SLC9A5: variants seen among roughly 807,000 people sequenced by gnomAD.
SLC9A5 encodes solute carrier family 9 member A5, also known as sodium/hydrogen exchanger 5.
SLC9A5 carries 52 observed loss-of-function variants against 91.7 expected under a neutral mutation model. The ratio of observed to expected loss-of-function variants is 0.57; its 90% CI spans 0.45 to 0.71. The LOEUF is 0.71. Ranked by LOEUF, SLC9A5 falls within the 30% of genes least tolerant of loss-of-function variation. The pLI is 0.00. For missense variants in SLC9A5, 871 were observed against 1,158.9 expected (o/e 0.75, Z 3.61); for synonymous variants, 419 against 474.5 (o/e 0.88, Z 1.52).
intron 1 of SLC9A5, among the ~76,000 whole-genome samples, chr16:67,251,581 T>G (rs2035124954): frequency 6.6e-6 from 1 of 151,770 alleles, no homozygotes; most frequent in Non-Finnish European, 1.5e-5. Context: ...GCCCAGCTAA[T>G]TTTTGTATTT....
chr16:67,255,480 T>C lies in SLC9A5; in HGVS notation c.733+9T>C, dbSNP rs2035278816. On this transcript the variant is annotated intron_variant, in intron 4 of 15. Coordinates refer to ENST00000299798, the MANE Select transcript of SLC9A5 (RefSeq NM_004594.3). This position sits in a 1 kb window ranked among gnomAD's most constrained non-coding sequence, Gnocchi z 4.9. Reference sequence around the variant, plus strand: ...CTACCTGAAGGGAGTCGGTCAGTATTTCCCCGCTCCCAGCTGGCATTGGAG... The same window carrying C: ...CTACCTGAAGGGAGTCGGTCAGTATCTCCCCGCTCCCAGCTGGCATTGGAG... The C allele has an allele frequency of 6.2e-7, 1 of 1,613,728 alleles. No homozygotes were observed. The highest frequency in any genetic ancestry group is 2.2e-5 in the East Asian group (1 of 44,892).
At position 67,257,611 on chromosome 16, in the gene SLC9A5, C is replaced by A; in HGVS notation, c.1496+10C>A. ...ACTACTGGAGGGACAGGTGAGGGAG[C>A]TGCCCCGAGGCTCCTTCAGCAGCAG... On this transcript the variant is annotated intron_variant, in intron 9 of 15. Coordinates refer to ENST00000299798, the MANE Select transcript of SLC9A5 (RefSeq NM_004594.3). The surrounding 1 kb of genome is among the most constrained non-coding windows in gnomAD (Gnocchi z 5.1). 6.2e-7 allele frequency: 1 copy of A among 1,613,848 alleles called. No homozygotes were observed. Among genetic ancestry groups the A allele is most frequent in the African/African-American group, 1.3e-5 (1 of 75,006 alleles).
At chr16:67,266,562 C>T (rs2142383147) in intron 15 of SLC9A5, among the ~76,000 whole-genome samples, 1 of 152,242 alleles carries the variant, frequency 6.6e-6, no homozygotes, top group South Asian at 2.1e-4. Context: ...TTATTTGAGA[C>T]AGAGTTTTGC....
chr16:67,254,942 C>A, intron 2 of SLC9A5, 79 bp from the exon 3 acceptor site: 1 of 1,443,954 alleles, frequency 6.9e-7, no homozygotes, highest in Non-Finnish European at 9.5e-7. Flanking sequence ...GGGGTGGGGC[C>A]TGGGCTTGTT....
chr16:67,249,163 T>C lies in SLC9A5; in HGVS notation c.149T>C (p.Val50Ala). 6.4e-7 allele frequency: 1 copy of C among 1,565,336 alleles called. No individual in the cohort carries two copies. The highest frequency in any genetic ancestry group is 1.8e-5 in the Admixed American group (1 of 55,198). Reference protein sequence around the residue: ...QWHEVEAPYLVALWILVASLA... With the variant: ...QWHEVEAPYLAALWILVASLA... ...CACGAGGTGGAGGCGCCCTACCTGGTGGCCCTGTGGATCCTGGTGGCCAGT... is the reference window on the plus strand; with the variant it reads ...CACGAGGTGGAGGCGCCCTACCTGGCGGCCCTGTGGATCCTGGTGGCCAGT... Residue 50 changes from valine (V) to alanine (A), a missense_variant, in exon 1 of 16, where the codon GTG becomes GCG. Physicochemically the swap from Val to Ala is moderately conservative, Grantham distance 64. Transcript: ENST00000299798.
At chr16:67,250,602 A>C (rs1882828501) in intron 1 of SLC9A5, among the ~76,000 whole-genome samples, 1 of 152,260 alleles carries the variant, frequency 6.6e-6, no homozygotes, top group Non-Finnish European at 1.5e-5. Flanking sequence ...GTAAGAGAAG[A>C]GAGCCTCCTT....
chr16:67,258,666 C>T lies in SLC9A5; in HGVS notation c.1626+219C>T, dbSNP rs376392198. Among the ~76,000 whole-genome samples, 4 of 152,312 alleles carry T rather than the reference C, an allele frequency of 2.6e-5. No homozygotes were observed. Among genetic ancestry groups the T allele is most frequent in the East Asian group, 3.9e-4 (2 of 5,184 alleles). On this transcript the variant is annotated intron_variant, in intron 10 of 15. Transcript: ENST00000299798. This position sits in a 1 kb window ranked among gnomAD's most constrained non-coding sequence, Gnocchi z 4.5. ...CAGAGAGGTGGGAAACAGCTGGACT[C>T]TGGGGTCAGCTCAACCATTATCACT... is the stretch of plus-strand genomic sequence containing the variant.
In SLC9A5 at chr16:67,257,120, G is replaced by A. The variant is rs1488787208; in HGVS notation, c.1335+7G>A. ...CTTCACAGTCATCGTGCAGGTGGGA[G>A]TGCCCACAAGGCTGGGTAGGGAGAG... On this transcript the variant is annotated splice_region_variant and intron_variant, in intron 7 of 15. Transcript: ENST00000299798. This position sits in a 1 kb window ranked among gnomAD's most constrained non-coding sequence, Gnocchi z 5.1. 1 of 1,605,546 alleles carries A rather than the reference G, an allele frequency of 6.2e-7. No homozygotes were observed. The highest frequency in any genetic ancestry group is 1.1e-5 in the South Asian group (1 of 90,880).
rs750563312 is a variant in SLC9A5, at chr16:67,271,067, C to T, written c.2548C>T (p.Arg850Cys). ...CCCACCGAGCCTGGCCAAGGCTGGC[C>T]GCTCTCGCAGTGAGAGCAGCGCTGA... Reference protein sequence around the residue: ...AFPPSLAKAGRSRSESSADLP... With the variant: ...AFPPSLAKAGCSRSESSADLP... Residue 850 changes from arginine (R) to cysteine (C), a missense_variant, in exon 16 of 16, where the codon CGC (arginine) becomes TGC (cysteine). This residue lies in a region of SLC9A5 where 295 missense variants were observed against 326.0 expected (regional missense o/e 0.90). Transcript: ENST00000299798. 1.4e-5 allele frequency: 22 copies of T among 1,611,916 alleles called. No individual in the cohort carries two copies. Among genetic ancestry groups the T allele is most frequent in the South Asian group, 2.2e-5 (2 of 90,974 alleles).
At chr16:67,249,624 G>C (rs1218202073) in intron 1 of SLC9A5, among the ~76,000 whole-genome samples, 1 of 152,156 alleles carries the variant, frequency 6.6e-6, no homozygotes, top group African/African-American at 2.4e-5. Context: ...TCCTGGTTCT[G>C]AAAAAGCAGC....
chr16:67,262,563 ATC>A, intron 12 of SLC9A5: 1 of 282,508 alleles, frequency 3.5e-6, no homozygotes, highest in South Asian at 3.5e-5. Flanking sequence ...GGGACTAAGA[ATC>A]TGTGTTCTTA....
rs1296842356 is a variant in SLC9A5 at position 67,252,567 on chromosome 16, A to T, written c.213A>T (p.Thr71=). The change falls in exon 2 of 16, where the codon ACA becomes ACT. Residue 71 remains threonine, a synonymous_variant. Coordinates refer to ENST00000299798, the MANE Select transcript of SLC9A5 (RefSeq NM_004594.3). This position sits in a 1 kb window ranked among gnomAD's most constrained non-coding sequence, Gnocchi z 4.0. ...KIVFHLSRKV[T]SLVPESCLLI... ...TGTTTCACCTGTCTCGGAAAGTAACATCTCTGGTCCCTGAGAGCTGCCTGC... is the reference window on the plus strand; with the variant it reads ...TGTTTCACCTGTCTCGGAAAGTAACTTCTCTGGTCCCTGAGAGCTGCCTGC... 3.7e-6 allele frequency: 6 copies of T among 1,613,188 alleles called. No homozygotes were observed. The African/African-American group carries it at 6.7e-5, about 18-fold the overall frequency.
At chr16:67,251,631 C>G (rs2035126152) in intron 1 of SLC9A5, among the ~76,000 whole-genome samples, 1 of 151,884 alleles carries the variant, frequency 6.6e-6, no homozygotes, top group Non-Finnish European at 1.5e-5. Context: ...CCAGGCTGAT[C>G]CAGAACTCCT....
Position 67,255,497 on chromosome 16 carries a change from G to T in SLC9A5, c.733+26G>T, listed in dbSNP as rs1261539076. On this transcript the variant is annotated intron_variant, in intron 4 of 15. Transcript: ENST00000299798. The surrounding 1 kb of genome is among the most constrained non-coding windows in gnomAD (Gnocchi z 4.9). Reference sequence around the variant, plus strand: ...GTCAGTATTTCCCCGCTCCCAGCTGGCATTGGAGGTCTGCCTCCCCTGGGT... The same window carrying T: ...GTCAGTATTTCCCCGCTCCCAGCTGTCATTGGAGGTCTGCCTCCCCTGGGT... 1.3e-5 allele frequency: 21 copies of T among 1,610,316 alleles called. No homozygotes were observed. Among genetic ancestry groups the T allele is most frequent in the Non-Finnish European group, 1.8e-5 (21 of 1,176,748 alleles).
rs2035370657 is a variant in SLC9A5, at chr16:67,257,688, G to A, written c.1496+87G>A. 3 of 1,407,890 alleles carry A rather than the reference G, an allele frequency of 2.1e-6. No homozygotes were observed. Among genetic ancestry groups the A allele is most frequent in the African/African-American group, 1.4e-5 (1 of 70,894 alleles). 87.2% of individuals were successfully genotyped at this position (1,407,890 alleles called of 1,614,324 possible). A position where few individuals can be genotyped will look rare whatever the true frequency, so the allele number is the denominator to read the frequency against. On this transcript the variant is annotated intron_variant, in intron 9 of 15. Coordinates refer to ENST00000299798, the MANE Select transcript of SLC9A5 (RefSeq NM_004594.3). The surrounding 1 kb of genome is among the most constrained non-coding windows in gnomAD (Gnocchi z 5.1). ...GGGATGTGCCACACTTCTGAGAAGG[G>A]ACAGAGCCAGGTTCAGGCTGGGTGA...
At chr16:67,260,567 T>G in intron 12 of SLC9A5, among the ~76,000 whole-genome samples, 1 of 151,858 alleles carries the variant, frequency 6.6e-6, no homozygotes, top group South Asian at 2.1e-4. Context: ...TATTGTGGAT[T>G]AGGGCTGAGC....
chr16:67,270,718 T>C lies in SLC9A5; in HGVS notation c.2219-20T>C, dbSNP rs1048961735. 1 of 1,523,866 alleles carries C rather than the reference T, an allele frequency of 6.6e-7. No homozygotes were observed. Among genetic ancestry groups the C allele is most frequent in the Non-Finnish European group, 9.0e-7 (1 of 1,115,806 alleles). 94.4% of individuals were successfully genotyped at this position (1,523,866 alleles called of 1,614,324 possible). On this transcript the variant is annotated intron_variant, in intron 15 of 15. Transcript: ENST00000299798. This position sits in a 1 kb window ranked among gnomAD's most constrained non-coding sequence, Gnocchi z 4.3. ...TTCCACTGTATTGGTAATGAGTTCA[T>C]GTGTACTCTCTGTCCCCAGGAAGCC...
Position 67,257,017 on chromosome 16 carries a change from T to C in SLC9A5, c.1239T>C (p.Phe413=). Residue 413 remains phenylalanine (F), a synonymous_variant, in exon 7 of 16, where the codon TTT becomes TTC. Transcript: ENST00000299798. The surrounding 1 kb of genome is among the most constrained non-coding windows in gnomAD (Gnocchi z 5.1). ...SYGGLRGAVA[F]ALVILLDRTK... is the part of the protein sequence containing the mutation. The stretch of plus-strand genomic sequence containing the variant: ...GGGGCCTGCGGGGGGCTGTGGCCTT[T>C]GCTCTCGTCATCCTACTGGATAGGA... 6.2e-7 allele frequency: 1 copy of C among 1,614,028 alleles called. No homozygotes were observed. The highest frequency in any genetic ancestry group is 8.5e-7 in the Non-Finnish European group (1 of 1,180,030).
rs1276501474 is a variant in SLC9A5 at position 67,266,186 on chromosome 16, C to G, written c.2179C>G (p.Arg727Gly). The G allele has an allele frequency of 6.2e-7, 1 of 1,608,504 alleles. No individual in the cohort carries two copies. Among genetic ancestry groups the G allele is most frequent in the Non-Finnish European group, 8.5e-7 (1 of 1,177,554 alleles). Residue 727 changes from arginine to glycine, a missense_variant, in exon 15 of 16, where the codon CGT (arginine) becomes GGT (glycine). Arg to Gly is a moderately radical substitution (Grantham distance 125). Coordinates refer to ENST00000299798, the MANE Select transcript of SLC9A5 (RefSeq NM_004594.3). ...EDDEGIIFVA[R>G]ATSEVLQEGK... ...CGATGAGGGGATCATCTTTGTGGCT[C>G]GTGCCACCAGTGAGGTTCTCCAAGA...
Sources: allele counts gnomAD v4.1 joint callset (sites outside exome capture counted in the v4.1 genomes callset), GRCh38; gene constraint gnomAD v4.1.1; regional missense constraint gnomAD v4.1.1; non-coding constraint Gnocchi (gnomAD v3.1); transcripts MANE v1.5; gene names NCBI Gene and HGNC (gene_info 2026-07-23, HGNC 2026-07-21).